HSP90AA1: variants seen among roughly 807,000 people sequenced by gnomAD.
HSP90AA1 encodes the protein heat shock protein HSP 90-alpha.
In HSP90AA1, 18 loss-of-function variants were observed where a neutral mutation model predicts 73.3. The observed-to-expected ratio is 0.25, with a 90% CI of 0.17 to 0.36. The LOEUF (loss-of-function observed/expected upper bound fraction) is 0.36. HSP90AA1 is among the 10% of genes least tolerant of loss of function. The probability of loss-of-function intolerance (pLI) is 1.00; values close to 1 mark genes in which losing one functional copy is unlikely to be tolerated. For synonymous variants in HSP90AA1, 477 were observed against 296.9 expected (o/e 1.61, Z -6.24); for missense variants, 704 against 874.2 (o/e 0.81, Z 2.45).
In HSP90AA1 at chr14:102,085,613, A is replaced by C. The variant is rs34147314; in HGVS notation, c.529+145T>G. The stretch of plus-strand genomic sequence containing the variant: ...AAAGAACCGCCCACCAAGTCATGCC[A>C]TTACACTAATTAAGTGCTCTAGCTT... On this transcript the variant is annotated intron_variant, in intron 3 of 10. Transcript: ENST00000216281. The C allele has an allele frequency of 2.7e-3, 3,548 of 1,325,324 alleles. 81 individuals carry two copies. In the African/African-American group the frequency reaches 0.046, roughly 17 times the overall value. 82.1% of individuals were successfully genotyped at this position (1,325,324 alleles called of 1,614,324 possible). A position where few individuals can be genotyped will look rare whatever the true frequency, so the allele number is the denominator to read the frequency against.
intron 1 of HSP90AA1, among the ~76,000 whole-genome samples, chr14:102,126,791 G>A (rs1024435466): frequency 1.3e-5 from 2 of 152,120 alleles, no homozygotes; most frequent in African/African-American, 4.8e-5. Flanking sequence ...GCCTCCCAAA[G>A]TCCTGGGACT....
intron 1 of HSP90AA1, among the ~76,000 whole-genome samples, chr14:102,133,613 A>G (rs1010550556): frequency 1.7e-4 from 26 of 150,732 alleles, no homozygotes; most frequent in African/African-American, 6.3e-4. Flanking sequence ...CCCCCCTAGT[A>G]GCTGGGATTA....
intron 1 of HSP90AA1, among the ~76,000 whole-genome samples, chr14:102,107,977 C>T (rs1306308137): frequency 1.3e-5 from 2 of 149,264 alleles, no homozygotes; most frequent in African/African-American, 2.5e-5. Context: ...GAATTGGGGC[C>T]TTGAAGCCCA....
At chr14:102,087,396 G>A (rs1211328061), upstream of HSP90AA1, among the ~76,000 whole-genome samples, 2 of 151,642 alleles carry the variant, frequency 1.3e-5, no homozygotes, top group Non-Finnish European at 3.0e-5. Flanking sequence ...TGCCGCGGGC[G>A]GGCGGAGGGC....
At chr14:102,102,846 G>A (rs1021372444) in intron 1 of HSP90AA1, among the ~76,000 whole-genome samples, 5 of 152,002 alleles carry the variant, frequency 3.3e-5, no homozygotes, top group Non-Finnish European at 5.9e-5. Context: ...GCCTAGCCTG[G>A]GCAACATAGT....
In HSP90AA1 at chr14:102,081,002, T is replaced by A. The variant is rs1429470820; in HGVS notation, c.*710A>T. 3 of 227,636 alleles carry A rather than the reference T, an allele frequency of 1.3e-5. No individual in the cohort carries two copies. The highest frequency in any genetic ancestry group is 3.6e-4 in the South Asian group (2 of 5,496). The allele number at this position is 227,636 out of a possible 1,614,324, so 14.1% of individuals were successfully genotyped here. A position where few individuals can be genotyped will look rare whatever the true frequency, so the allele number is the denominator to read the frequency against. ...TTTTACATTTTGGCACTAACTGTCA[T>A]CCAGATACTCCCCTTTCCCCCTAAA... On this transcript the variant is annotated 3_prime_UTR_variant, in exon 11 of 11. Coordinates refer to ENST00000216281, the MANE Select transcript of HSP90AA1 (RefSeq NM_005348.4).
chr14:102,082,897 G>T, intron 9 of HSP90AA1, 137 bp downstream of exon 9: 1 of 885,276 alleles, frequency 1.1e-6, no homozygotes, highest in East Asian at 2.4e-5. Flanking sequence ...GGGATTGCAG[G>T]CGTGAGCCAC....
In HSP90AA1 at chr14:102,128,580, A is replaced by G. The variant is rs137978998; in HGVS notation, c.155+10670T>C. 4.5e-3 allele frequency among the ~76,000 whole-genome samples: 673 copies of G among 149,750 alleles called. 6 individuals carry two copies. Among genetic ancestry groups the G allele is most frequent in the African/African-American group, 0.015 (622 of 40,716 alleles). Reference sequence around the variant, plus strand: ...GAGGCAGAGGTTGCAGTAAGCCAAGATCGCACCATTGCACTCTAGCCTGGG... The same window carrying G: ...GAGGCAGAGGTTGCAGTAAGCCAAGGTCGCACCATTGCACTCTAGCCTGGG... On this transcript the variant is annotated intron_variant, in intron 1 of 11. Coordinates refer to the HSP90AA1 transcript ENST00000334701.
At chr14:102,083,013 G>A (rs1339685412) in intron 9 of HSP90AA1, 21 bp downstream of exon 9, 10 of 1,609,364 alleles carry the variant, frequency 6.2e-6, no homozygotes, top group Non-Finnish European at 8.5e-6. Context: ...TCAATGATCA[G>A]GAAATGCTGT....
chr14:102,138,342 G>A (rs767949158), intron 1 of HSP90AA1, among the ~76,000 whole-genome samples: 21 of 152,094 alleles, frequency 1.4e-4, no homozygotes, highest in Non-Finnish European at 1.8e-4. Context: ...TGTTTTCAAT[G>A]TAAAATAACA....
chr14:102,092,220 C>T (rs1189152306), intron 2 of HSP90AA1, among the ~76,000 whole-genome samples: 1 of 151,938 alleles, frequency 6.6e-6, no homozygotes, highest in East Asian at 1.9e-4. Flanking sequence ...ATGCATGCGT[C>T]ACCACACCTG....
chr14:102,088,587 C>T (rs867307627), upstream of HSP90AA1, among the ~76,000 whole-genome samples: 1 of 152,304 alleles, frequency 6.6e-6, no homozygotes, highest in South Asian at 2.1e-4. Flanking sequence ...CGGTGGTGAC[C>T]GGGTGTGTGC....
chr14:102,082,258 G>C lies in HSP90AA1; in HGVS notation c.1942C>G (p.Gln648Glu). 1 of 1,613,900 alleles carries C rather than the reference G, an allele frequency of 6.2e-7. No individual in the cohort carries two copies. Among genetic ancestry groups the C allele is most frequent in the Non-Finnish European group, 8.5e-7 (1 of 1,179,824 alleles). ...PDHSIIETLR[Q>E]KAEADKNDKS... ...TCGTTCTTATCAGCCTCTGCCTTTT[G>C]CCTTAAGGTCTCAATAATGGAATGG... The change falls in exon 10 of 11, where the codon CAA (glutamine) becomes GAA (glutamate). Residue 648 changes from glutamine to glutamate, a missense_variant. Gln to Glu is a conservative substitution (Grantham distance 29). Coordinates refer to ENST00000216281, the MANE Select transcript of HSP90AA1 (RefSeq NM_005348.4).
At chr14:102,113,374 T>C (rs964772645) in intron 1 of HSP90AA1, among the ~76,000 whole-genome samples, 1 of 151,634 alleles carries the variant, frequency 6.6e-6, no homozygotes, top group African/African-American at 2.4e-5. Context: ...CTTTAATTAA[T>C]TTATTTATTT....
At chr14:102,134,322 CAAAAAAAAAAAAAA>C (rs57081266) in intron 1 of HSP90AA1, among the ~76,000 whole-genome samples, 1 of 69,080 alleles carries the variant, frequency 1.4e-5, no homozygotes, top group East Asian at 4.8e-4. Flanking sequence ...GGCTCTGTCT[CAAAAAAAAAAAAAA>C]AAAAAAAAAG....
intron 2 of HSP90AA1, among the ~76,000 whole-genome samples, chr14:102,099,337 T>C (rs189670875): frequency 3.3e-5 from 5 of 152,134 alleles, no homozygotes; most frequent in Admixed American, 3.3e-4. Flanking sequence ...GGCATGCAGA[T>C]CACCTGAGGT....
At chr14:102,082,584 G>A (rs553482589) in intron 9 of HSP90AA1, 140 bp from the exon 10 acceptor site, 2 of 702,634 alleles carry the variant, frequency 2.8e-6, no homozygotes, top group East Asian at 2.7e-5. Flanking sequence ...GTCGCATTAG[G>A]TATCCAAAGA....
At chr14:102,104,793 CT>C (rs567616781) in intron 1 of HSP90AA1, among the ~76,000 whole-genome samples, 1 of 151,994 alleles carries the variant, frequency 6.6e-6, no homozygotes, top group African/African-American at 2.4e-5. Context: ...CTCTCTACCT[CT>C]TTTTTAGCTC....
At chr14:102,109,107 C>T (rs2049607079) in intron 1 of HSP90AA1, among the ~76,000 whole-genome samples, 1 of 152,186 alleles carries the variant, frequency 6.6e-6, no homozygotes, top group African/African-American at 2.4e-5. Flanking sequence ...CCCAGAGGCT[C>T]CCTATGTTTC....
Sources: allele counts gnomAD v4.1 joint callset (sites outside exome capture counted in the v4.1 genomes callset), GRCh38; gene constraint gnomAD v4.1.1; transcripts MANE v1.5; gene names NCBI Gene and HGNC (gene_info 2026-07-23, HGNC 2026-07-21).